DZIP1L: variants seen among roughly 807,000 people sequenced by gnomAD.
DZIP1L encodes cilium assembly protein DZIP1L.
DZIP1L carries 90 observed loss-of-function variants against 88.7 expected under a neutral mutation model. That is an observed-to-expected ratio of 1.02 (90% CI 0.86 to 1.21). The LOEUF is 1.21. DZIP1L is among the 50% of genes most tolerant of loss of function. The probability of loss-of-function intolerance (pLI) is 0.00; values close to 1 mark genes in which losing one functional copy is unlikely to be tolerated. For missense variants in DZIP1L, 932 were observed against 955.8 expected (o/e 0.98, Z 0.33); for synonymous variants, 363 against 372.1 (o/e 0.98, Z 0.28).
rs117931593 is a variant in DZIP1L at position 138,065,971 on chromosome 3, C to T, written c.2003-1204G>A. Reference sequence around the variant, plus strand: ...AATACGTTTAACGAATATTTTCATTCCACTTACCATGACAGTTAGCTCAGG... The same window carrying T: ...AATACGTTTAACGAATATTTTCATTTCACTTACCATGACAGTTAGCTCAGG... On this transcript the variant is annotated intron_variant, in intron 14 of 15. Transcript: ENST00000327532. Among the ~76,000 whole-genome samples, 74 of 152,336 alleles carry T rather than the reference C, an allele frequency of 4.9e-4. No individual in the cohort carries two copies. In the East Asian group the frequency reaches 0.013, roughly 28 times the overall value.
At chr3:138,068,485 G>A in intron 12 of DZIP1L, 118 bp from the exon 13 acceptor site, 4 of 724,736 alleles carry the variant, frequency 5.5e-6, no homozygotes, top group Admixed American at 3.9e-5. Flanking sequence ...TCTCCGTGCT[G>A]TAATAACCAC....
At chr3:138,099,228 A>G (rs1681986450) in intron 2 of DZIP1L, among the ~76,000 whole-genome samples, 1 of 152,268 alleles carries the variant, frequency 6.6e-6, no homozygotes, top group South Asian at 2.1e-4. Context: ...CCTGCAGCCA[A>G]TAGGCCACAT....
At chr3:138,078,616 G>C (rs2107764532) in intron 10 of DZIP1L, among the ~76,000 whole-genome samples, 1 of 152,312 alleles carries the variant, frequency 6.6e-6, no homozygotes. Context: ...CTGGTAACTT[G>C]TGAGATGCAG....
intron 5 of DZIP1L, among the ~76,000 whole-genome samples, chr3:138,091,022 T>TATAG (rs1944194769): frequency 6.6e-6 from 1 of 151,896 alleles, no homozygotes; most frequent in African/African-American, 2.4e-5. Context: ...CAGCTGGGAT[T>TATAG]ATAGGCACCT....
rs191604614 is a variant in DZIP1L at position 138,067,772 on chromosome 3, C to T, written c.1833-72G>A. 5.6e-5 allele frequency: 82 copies of T among 1,465,444 alleles called. 1 individual carries two copies. Among genetic ancestry groups the T allele is most frequent in the South Asian group, 3.9e-4 (27 of 68,658 alleles). 90.8% of individuals were successfully genotyped at this position (1,465,444 alleles called of 1,614,324 possible). A position where few individuals can be genotyped will look rare whatever the true frequency, so the allele number is the denominator to read the frequency against. On this transcript the variant is annotated intron_variant, in intron 13 of 15. Transcript: ENST00000327532. The stretch of plus-strand genomic sequence containing the variant: ...AAACTTCAAAAGCCAAACTTCACCA[C>T]GCTTCAAGCTGGTTTGGTTTGCTCA...
At chr3:138,090,451 G>A (rs143985682) in intron 5 of DZIP1L, among the ~76,000 whole-genome samples, 253 of 152,298 alleles carry the variant, frequency 1.7e-3, no homozygotes, top group African/African-American at 5.8e-3. Flanking sequence ...GTGTGGAGCT[G>A]TATATTAGGA....
intron 8 of DZIP1L, among the ~76,000 whole-genome samples, chr3:138,083,381 G>C (rs1471342854): frequency 2.0e-5 from 3 of 152,208 alleles, no homozygotes; most frequent in Non-Finnish European, 4.4e-5. Flanking sequence ...GCTCAGCCCA[G>C]GGAAGCTGTG....
At position 138,068,316 on chromosome 3, in the gene DZIP1L, C is replaced by T. The variant is rs2107735666; in HGVS notation, c.1667G>A (p.Arg556Lys). ...LVTREAQPKT[R>K]TLQVALPSTP... Reference sequence around the variant, plus strand: ...GGATGGCAAGGCCACCTGCAGGGTCCTGGTCTTTGGCTGGGCCTCTCTGGT... The same window carrying T: ...GGATGGCAAGGCCACCTGCAGGGTCTTGGTCTTTGGCTGGGCCTCTCTGGT... The change falls in exon 13 of 16, where the codon AGG becomes AAG. Residue 556 changes from arginine (R) to lysine (K), a missense_variant. By Grantham distance (26) the Arg-to-Lys change is conservative. Coordinates refer to ENST00000327532, the MANE Select transcript of DZIP1L (RefSeq NM_173543.3). 6.3e-7 allele frequency: 1 copy of T among 1,591,938 alleles called. No individual in the cohort carries two copies. Among genetic ancestry groups the T allele is most frequent in the Admixed American group, 1.8e-5 (1 of 57,130 alleles).
At chr3:138,108,962 A>C (rs2042569546) in intron 1 of DZIP1L, among the ~76,000 whole-genome samples, 1 of 152,204 alleles carries the variant, frequency 6.6e-6, no homozygotes. Flanking sequence ...ACTGATTTAG[A>C]ACCACTAAAT....
At chr3:138,089,685 T>A (rs902298274) in intron 5 of DZIP1L, among the ~76,000 whole-genome samples, 16 of 152,208 alleles carry the variant, frequency 1.1e-4, no homozygotes, top group South Asian at 4.1e-4. Context: ...TAAAATTTTT[T>A]AAAAATACAT....
chr3:138,071,733 T>G lies in DZIP1L; in HGVS notation c.1525A>C (p.Arg509=), dbSNP rs915796405. 2.5e-6 allele frequency: 4 copies of G among 1,614,064 alleles called. No homozygotes were observed. The African/African-American group carries it at 4.0e-5, about 16-fold the overall frequency. ...GTGACTTCCTTGACAAGCTTTCCCC[T>G]CAGACTCAGAAATTCAGAAAACTTC... ...ARKFSEFLSL[R]GKLVKEVTSR... Residue 509 remains arginine, a synonymous_variant, in exon 12 of 16, where the codon AGG becomes CGG. Coordinates refer to ENST00000327532, the MANE Select transcript of DZIP1L (RefSeq NM_173543.3).
chr3:138,109,598 C>A (rs1344611567), intron 1 of DZIP1L, among the ~76,000 whole-genome samples: 1 of 152,210 alleles, frequency 6.6e-6, no homozygotes, highest in East Asian at 1.9e-4. Context: ...ACCCAGCAAT[C>A]CCATTACTGT....
intron 7 of DZIP1L, among the ~76,000 whole-genome samples, chr3:138,084,628 T>G (rs975693452): frequency 6.6e-6 from 1 of 152,192 alleles, no homozygotes; most frequent in African/African-American, 2.4e-5. Flanking sequence ...AAATATTTAT[T>G]AATATTTGCA....
intron 1 of DZIP1L, among the ~76,000 whole-genome samples, chr3:138,108,513 T>C (rs1249127764): frequency 6.6e-6 from 1 of 152,156 alleles, no homozygotes; most frequent in East Asian, 1.9e-4. Context: ...TTCTTTCCCC[T>C]TTCTTTTATG....
At chr3:138,101,700 G>C in intron 2 of DZIP1L, 3 of 816,234 alleles carry the variant, frequency 3.7e-6, no homozygotes, top group Non-Finnish European at 6.5e-6. Flanking sequence ...TCTTTGTATG[G>C]ATACTTGTGT....
chr3:138,095,411 A>G (rs1007198227), intron 3 of DZIP1L, among the ~76,000 whole-genome samples: 1 of 149,650 alleles, frequency 6.7e-6, no homozygotes, highest in Non-Finnish European at 1.5e-5. Context: ...GTATCCTGAC[A>G]GTAATCAGAG....
intron 12 of DZIP1L, 64 bp from the exon 13 acceptor site, chr3:138,068,431 G>T: frequency 7.8e-7 from 1 of 1,278,312 alleles, no homozygotes; most frequent in Non-Finnish European, 1.1e-6. Context: ...CCTAAGAGGA[G>T]GGAGAAAGTG....
intron 10 of DZIP1L, 93 bp downstream of exon 10, chr3:138,080,474 C>T (rs1943596967): frequency 7.1e-7 from 1 of 1,402,166 alleles, no homozygotes; most frequent in African/African-American, 1.4e-5. Context: ...CTTCGGATGT[C>T]CAGATACAGT....
intron 12 of DZIP1L, among the ~76,000 whole-genome samples, chr3:138,070,108 G>A (rs1274933409): frequency 2.0e-5 from 3 of 152,060 alleles, no homozygotes; most frequent in Non-Finnish European, 2.9e-5. Context: ...GCATTCCGAG[G>A]GTTTTTCCAT....
Sources: gnomAD v4.1 joint callset for allele counts (sites outside exome capture counted in the v4.1 genomes callset) on GRCh38, gnomAD v4.1.1 for gene constraint, MANE v1.5 for transcripts, NCBI Gene and HGNC (gene_info 2026-07-23, HGNC 2026-07-21) for gene names.